The following SMG1 variants were observed in gnomAD, a reference collection of about 807,000 sequenced individuals.
SMG1 encodes serine/threonine-protein kinase SMG1.
In SMG1, 22 loss-of-function variants were observed where a neutral mutation model predicts 419.9. That is an observed-to-expected ratio of 0.05 (90% confidence interval 0.04 to 0.07). The LOEUF is 0.07. Among genes scored for constraint, SMG1 ranks in the 10% least tolerant of loss-of-function variants. The probability of loss-of-function intolerance (pLI) is 1.00; values close to 1 mark genes in which losing one functional copy is unlikely to be tolerated. For missense variants in SMG1, 3,185 were observed against 4,342.0 expected, an observed-to-expected ratio of 0.73 and a Z score of 7.49; for synonymous variants, 1,538 against 1,553.5, an observed-to-expected ratio of 0.99 and a Z score of 0.23.
In SMG1 at chr16:18,863,715, G is replaced by C. The variant is rs756756661; in HGVS notation, c.3630C>G (p.Ile1210Met). The change falls in exon 25 of 63, where the codon ATC becomes ATG. Residue 1210 changes from isoleucine to methionine, a missense_variant. By Grantham distance (10) the Ile-to-Met change is conservative (BLOSUM62 1). Coordinates refer to ENST00000446231, the MANE Select transcript of SMG1 (RefSeq NM_015092.5). ...TACTGGTACTCTTTTTCAAGTCATG[G>C]ATAGCGTTCTGCCATTCCTGCACAG... The part of the protein sequence containing the change: ...WAAVQEWQNA[I>M]HDLKKSTSST... The C allele has an allele frequency of 3.5e-5, 56 of 1,591,232 alleles. No homozygotes were observed. The highest frequency in any genetic ancestry group is 3.4e-4 in the South Asian group (31 of 90,868).
chr16:18,874,938 C>T (rs562115168), intron 13 of SMG1, among the ~76,000 whole-genome samples: 5 of 107,626 alleles, frequency 4.6e-5, no homozygotes, highest in African/African-American at 1.7e-4. Flanking sequence ...AGAAGGACTA[C>T]GGGTTGAGTA....
intron 37 of SMG1, 92 bp from the exon 38 acceptor site, chr16:18,847,699 A>G: frequency 1.9e-6 from 3 of 1,580,082 alleles, no homozygotes; most frequent in Non-Finnish European, 1.7e-6. Flanking sequence ...AGTGTGTGCA[A>G]TTGGTGCTCA....
In SMG1 at chr16:18,836,093, C is replaced by T. The variant is rs763807697; in HGVS notation, c.7897G>A (p.Val2633Met). 3.5e-5 allele frequency: 57 copies of T among 1,608,700 alleles called. No individual in the cohort carries two copies. The highest frequency in any genetic ancestry group is 4.5e-5 in the Non-Finnish European group (53 of 1,177,660). Residue 2633 changes from valine to methionine, a missense_variant, in exon 48 of 63, where the codon GTG becomes ATG. This residue lies in a region of SMG1 where 412 missense variants were observed against 546.6 expected (regional missense o/e 0.75). Transcript: ENST00000446231. ...AGTTGCTCCAGACAGCCACGGAGCA[C>T]GGAGCGCCTCTGCTGCAGGAGAGCA... ...VGALLQQRRS[V>M]LRGCLEQLHH...
chr16:18,817,495 AAG>A (rs2032120672), intron 56 of SMG1, 25 bp from the exon 57 acceptor site: 1 of 1,530,206 alleles, frequency 6.5e-7, no homozygotes, highest in South Asian at 1.2e-5. Context: ...ATGGAACCAC[AAG>A]AGGAGATGGG....
intron 29 of SMG1, among the ~76,000 whole-genome samples, chr16:18,855,482 GC>G (rs1169685363): frequency 2.0e-5 from 3 of 151,580 alleles, no homozygotes; most frequent in Non-Finnish European, 4.4e-5. Context: ...AATCCCACCT[GC>G]CAACTGGTCA....
At chr16:18,851,995 A>T in intron 33 of SMG1, 72 bp downstream of exon 33, 1 of 1,477,146 alleles carries the variant, frequency 6.8e-7, no homozygotes, top group Non-Finnish European at 9.1e-7. Flanking sequence ...TTTATCAAAT[A>T]TATATGATCA....
intron 51 of SMG1, among the ~76,000 whole-genome samples, chr16:18,832,625 T>C (rs879823816): frequency 1.3e-5 from 2 of 151,304 alleles, no homozygotes; most frequent in South Asian, 2.1e-4. Context: ...AATAAGTGCA[T>C]GTATAACTAG....
At position 18,854,764 on chromosome 16, in the gene SMG1, C is replaced by A; in HGVS notation, c.4375G>T (p.Ala1459Ser). ...SEVQLGKTTT[A>S]QDLVQHFKKL... Reference sequence around the variant, plus strand: ...TTAAAATGTTGGACTAAATCCTGTGCAGTGGTGGTCTTTCCCAGCTGAACT... The same window carrying A: ...TTAAAATGTTGGACTAAATCCTGTGAAGTGGTGGTCTTTCCCAGCTGAACT... The change falls in exon 30 of 63, where the codon GCA becomes TCA. Residue 1459 changes from alanine to serine, a missense_variant. Physicochemically the swap from Ala to Ser is moderately conservative, Grantham distance 99. Coordinates refer to ENST00000446231, the MANE Select transcript of SMG1 (RefSeq NM_015092.5). 1 of 1,614,010 alleles carries A rather than the reference C, an allele frequency of 6.2e-7. No homozygotes were observed. Among genetic ancestry groups the A allele is most frequent in the South Asian group, 1.1e-5 (1 of 91,082 alleles).
chr16:18,811,061 C>T (rs1380895935), intron 62 of SMG1, among the ~76,000 whole-genome samples: 2 of 152,086 alleles, frequency 1.3e-5, no homozygotes, highest in South Asian at 2.1e-4. Flanking sequence ...ACAAATGTCC[C>T]GATACCCAAA....
rs974308578 is a variant in SMG1 at position 18,859,097 on chromosome 16, C to T, written c.4038G>A (p.Leu1346=). ...ACAGCTGCAAGGTACTTAGAACTGG[C>T]AAAGACTGTGAAACTGTTAAAGTAG... The part of the protein sequence containing the change: ...RLSTLTVSQS[L]PVLSTLQLYC... Residue 1346 remains leucine, a synonymous_variant, in exon 28 of 63, where the codon TTG becomes TTA. Coordinates refer to ENST00000446231, the MANE Select transcript of SMG1 (RefSeq NM_015092.5). 7 of 1,530,508 alleles carry T rather than the reference C, an allele frequency of 4.6e-6. No homozygotes were observed. In the African/African-American group the frequency reaches 8.2e-5, roughly 18 times the overall value. The allele number at this position is 1,530,508 out of a possible 1,614,324, so 94.8% of individuals were successfully genotyped here.
Position 18,836,548 on chromosome 16 carries a change from C to T in SMG1, c.7605-16G>A. Reference sequence around the variant, plus strand: ...CTCAGAATACCTAATCAGGGGGACACAAACAAAATCAAAAGATTTATTGCT... The same window carrying T: ...CTCAGAATACCTAATCAGGGGGACATAAACAAAATCAAAAGATTTATTGCT... On this transcript the variant is annotated splice_polypyrimidine_tract_variant and intron_variant, in intron 46 of 62. Coordinates refer to ENST00000446231, the MANE Select transcript of SMG1 (RefSeq NM_015092.5). 6.2e-7 allele frequency: 1 copy of T among 1,610,298 alleles called. No homozygotes were observed. Among genetic ancestry groups the T allele is most frequent in the South Asian group, 1.1e-5 (1 of 90,606 alleles).
intron 3 of SMG1, among the ~76,000 whole-genome samples, chr16:18,893,677 C>T (rs1298196830): frequency 3.9e-5 from 6 of 151,934 alleles, no homozygotes; most frequent in Non-Finnish European, 7.4e-5. Flanking sequence ...GTGCTATTTA[C>T]CATAATTAGC....
In SMG1 at chr16:18,876,104, C is replaced by T. The variant is rs746109505; in HGVS notation, c.1890+20G>A. On this transcript the variant is annotated intron_variant, in intron 13 of 62. Coordinates refer to ENST00000446231, the MANE Select transcript of SMG1 (RefSeq NM_015092.5). ...GGCTTAACTGTGGATAAAACAAAGT[C>T]ATTACAATTAAAGACTCACCCCTAT... The T allele has an allele frequency of 9.1e-5, 146 of 1,610,712 alleles. 3 individuals carry two copies. In the South Asian group the frequency reaches 1.6e-3, roughly 17 times the overall value.
intron 60 of SMG1, among the ~76,000 whole-genome samples, chr16:18,814,652 G>GT (rs1172308202): frequency 6.6e-6 from 1 of 150,730 alleles, no homozygotes; most frequent in East Asian, 2.0e-4. Flanking sequence ...TTGGCTCACC[G>GT]TAACCTCCAC....
chr16:18,839,344 GC>G (rs1050031139), intron 42 of SMG1, among the ~76,000 whole-genome samples: 1 of 151,624 alleles, frequency 6.6e-6, no homozygotes, highest in African/African-American at 2.4e-5. Context: ...CCCTCCTCCT[GC>G]CCCCCACCCT....
chr16:18,813,962 C>T (rs956457966), intron 60 of SMG1, among the ~76,000 whole-genome samples: 1 of 134,066 alleles, frequency 7.5e-6, no homozygotes, highest in Non-Finnish European at 1.5e-5. Context: ...ACCCAGAAGG[C>T]GGAAGTTGCA....
rs760136125 is a variant in SMG1, at chr16:18,880,721, A to AAGGGG, written c.1294-1003_1294-1002insCCCCT. On this transcript the variant is annotated intron_variant, in intron 10 of 62. Transcript: ENST00000446231. Reference sequence around the variant, plus strand: ...CAGAGACCATGTCTCCAAAAAAAAAAGGGGGGGGGCGCGGAGGGGGAAGCA... The same window carrying AAGGGG: ...CAGAGACCATGTCTCCAAAAAAAAAAAGGGGGGGGGGGGGCGCGGAGGGGGAAGCA... 1.7e-3 allele frequency among the ~76,000 whole-genome samples: 111 copies of AAGGGG among 63,922 alleles called. 6 individuals carry two copies. Among genetic ancestry groups the AAGGGG allele is most frequent in the African/African-American group, 6.8e-3 (108 of 15,818 alleles). The allele number at this position is 63,922 out of a possible 152,430, so 41.9% of individuals were successfully genotyped here.
chr16:18,826,867 G>C (rs1362661815), intron 55 of SMG1, among the ~76,000 whole-genome samples: 1 of 45,214 alleles, frequency 2.2e-5, no homozygotes, highest in African/African-American at 7.4e-5. Context: ...CCTCGTTGCC[G>C]CCTTGCAGTT....
chr16:18,877,111 A>G lies in SMG1; in HGVS notation c.1620+20T>C, dbSNP rs1271911323. The G allele has an allele frequency of 2.6e-6, 4 of 1,524,036 alleles. No homozygotes were observed. Among genetic ancestry groups the G allele is most frequent in the African/African-American group, 1.4e-5 (1 of 73,454 alleles). The allele number at this position is 1,524,036 out of a possible 1,614,324, so 94.4% of individuals were successfully genotyped here. ...TCAGTGACTCAAGTTGTCAAAATTCATTATCAATGTATTACTTACCTCTTT... is the reference window on the plus strand; with the variant it reads ...TCAGTGACTCAAGTTGTCAAAATTCGTTATCAATGTATTACTTACCTCTTT... On this transcript the variant is annotated intron_variant, in intron 12 of 62. Transcript: ENST00000446231.
Sources: allele counts gnomAD v4.1 joint callset (sites outside exome capture counted in the v4.1 genomes callset), GRCh38; gene constraint gnomAD v4.1.1; regional missense constraint gnomAD v4.1.1; transcripts MANE v1.5; gene names NCBI Gene and HGNC (gene_info 2026-07-23, HGNC 2026-07-21).